CAPN9: variants seen among roughly 807,000 people sequenced by gnomAD.
The protein encoded by CAPN9 is calpain-9.
CAPN9 carries 81 observed loss-of-function variants against 92.8 expected under a neutral mutation model. That is an observed-to-expected ratio of 0.87 (90% confidence interval 0.73 to 1.05). The LOEUF (loss-of-function observed/expected upper bound fraction) is 1.05. Ranked by LOEUF, CAPN9 falls within the 50% of genes least tolerant of loss-of-function variation. CAPN9 has a pLI of 0.00. For synonymous variants in CAPN9, 304 were observed against 328.0 expected (o/e 0.93, Z 0.79); for missense variants, 848 against 866.2 (o/e 0.98, Z 0.26).
chr1:230,792,651 C>T (rs866455576), intron 16 of CAPN9, among the ~76,000 whole-genome samples, 157 bp downstream of exon 16: 7 of 152,180 alleles, frequency 4.6e-5, no homozygotes, highest in Non-Finnish European at 5.9e-5. Context: ...CCGATGCTTA[C>T]GGGAGTACCA....
rs545186428 is a variant in CAPN9, at chr1:230,762,377, A to C, written c.403-276A>C. Among the ~76,000 whole-genome samples, 9 of 152,380 alleles carry C rather than the reference A, an allele frequency of 5.9e-5. No homozygotes were observed. The South Asian group carries it at 1.9e-3, about 32-fold the overall frequency. On this transcript the variant is annotated intron_variant, in intron 3 of 19. Transcript: ENST00000271971. ...GAGCACCGTAGAGTGTCTACTTGTG[A>C]GTCCTGTCCTGCCCCCTGCATCGCC...
At chr1:230,759,939 A>G (rs1665528623) in intron 3 of CAPN9, among the ~76,000 whole-genome samples, 1 of 152,230 alleles carries the variant, frequency 6.6e-6, no homozygotes, top group Admixed American at 6.5e-5. Context: ...TTAAGCACAA[A>G]TTGACTAAAC....
intron 4 of CAPN9, among the ~76,000 whole-genome samples, chr1:230,767,333 C>CGT (rs1666052433): frequency 6.6e-6 from 1 of 152,172 alleles, no homozygotes; most frequent in African/African-American, 2.4e-5. Context: ...ACCACACTGC[C>CGT]TCCCTTGCAG....
chr1:230,752,756 G>T (rs1664928463), intron 1 of CAPN9: 1 of 957,932 alleles, frequency 1.0e-6, no homozygotes, highest in Non-Finnish European at 1.2e-6. Flanking sequence ...TGCTTGCCAG[G>T]GCTATCCCCT....
chr1:230,801,498 C>A, intron 19 of CAPN9, 72 bp from the exon 20 acceptor site: 1 of 1,460,250 alleles, frequency 6.8e-7, no homozygotes, highest in Non-Finnish European at 9.6e-7. Context: ...CAAACTGGGG[C>A]CACTCCTGAG....
At chr1:230,789,624 T>C (rs1364388608) in intron 13 of CAPN9, among the ~76,000 whole-genome samples, 1 of 152,138 alleles carries the variant, frequency 6.6e-6, no homozygotes, top group African/African-American at 2.4e-5. Context: ...TTCTTAATTC[T>C]AAATCAACTC....
chr1:230,796,740 T>A (rs1468310121), intron 18 of CAPN9, among the ~76,000 whole-genome samples: 1 of 152,066 alleles, frequency 6.6e-6, no homozygotes, highest in East Asian at 1.9e-4. Flanking sequence ...CTAGAAATAA[T>A]GAGATTTGCT....
chr1:230,772,019 C>T lies in CAPN9; in HGVS notation c.795C>T (p.Ser265=). 6.2e-7 allele frequency: 1 copy of T among 1,614,114 alleles called. No individual in the cohort carries two copies. The highest frequency in any genetic ancestry group is 1.7e-5 in the Admixed American group (1 of 60,030). The change falls in exon 7 of 20, where the codon AGC becomes AGT. Residue 265 remains serine, a synonymous_variant. Transcript: ENST00000271971. The part of the protein sequence containing the change: ...AYSVTGIDQV[S]FRGQRIELIR... ...CTCATGCTTTTCCCTTCTAGGTAAG[C>T]TTCCGAGGCCAGAGAATCGAGCTCA...
At chr1:230,769,640 T>G (rs1558095317) in intron 6 of CAPN9, among the ~76,000 whole-genome samples, 4 of 123,882 alleles carry the variant, frequency 3.2e-5, no homozygotes, top group Admixed American at 2.5e-4. Context: ...TATCTATCTA[T>G]CTATCTATCT....
intron 18 of CAPN9, among the ~76,000 whole-genome samples, chr1:230,797,575 A>T (rs12139481): frequency 0.2 from 31,040 of 152,058 alleles, 3,396 homozygotes; most frequent in Non-Finnish European, 0.25. Flanking sequence ...AAGCTACCCG[A>T]GAGATTCTCA....
At chr1:230,786,589 G>A (rs1667601666) in intron 12 of CAPN9, among the ~76,000 whole-genome samples, 1 of 152,148 alleles carries the variant, frequency 6.6e-6, no homozygotes, top group African/African-American at 2.4e-5. Context: ...GGGTTTTGCA[G>A]CCTTTTGTGA....
At chr1:230,768,720 A>G (rs998783709) in intron 5 of CAPN9, among the ~76,000 whole-genome samples, 2 of 151,728 alleles carry the variant, frequency 1.3e-5, no homozygotes, top group African/African-American at 4.8e-5. Context: ...TTTTTAATCA[A>G]TTCTAGTTTT....
intron 3 of CAPN9, among the ~76,000 whole-genome samples, chr1:230,760,644 C>T (rs1205826414): frequency 1.3e-5 from 2 of 152,176 alleles, no homozygotes; most frequent in Non-Finnish European, 2.9e-5. Flanking sequence ...GGGACAGAGC[C>T]ACTTTGGGTC....
chr1:230,793,116 A>G (rs1367913840), intron 17 of CAPN9, among the ~76,000 whole-genome samples, 188 bp downstream of exon 17: 7 of 152,184 alleles, frequency 4.6e-5, no homozygotes, highest in Admixed American at 4.6e-4. Context: ...ACTTCCTGAC[A>G]CCAGGGCCCT....
intron 1 of CAPN9, among the ~76,000 whole-genome samples, chr1:230,750,475 T>C (rs1664694753): frequency 6.6e-6 from 1 of 152,174 alleles, no homozygotes; most frequent in Non-Finnish European, 1.5e-5. Context: ...CAGATTTCTG[T>C]AAAATCAGGA....
Position 230,759,538 on chromosome 1 carries a change from G to T in CAPN9, c.310G>T (p.Ala104Ser). 1 of 1,608,882 alleles carries T rather than the reference G, an allele frequency of 6.2e-7. No individual in the cohort carries two copies. The highest frequency in any genetic ancestry group is 8.5e-7 in the Non-Finnish European group (1 of 1,178,080). The stretch of plus-strand genomic sequence containing the variant: ...AGACTGCTGGCTATTAGCCGCCATC[G>T]CCTCCCTTACGCTTAATCAAAAAGC... ...LGDCWLLAAI[A>S]SLTLNQKALA... The change falls in exon 3 of 20, where the codon GCC becomes TCC. Residue 104 changes from alanine (A) to serine (S), a missense_variant. Physicochemically the swap from Ala to Ser is moderately conservative, Grantham distance 99. Coordinates refer to ENST00000271971, the MANE Select transcript of CAPN9 (RefSeq NM_006615.3).
chr1:230,779,271 G>A, intron 9 of CAPN9, 138 bp downstream of exon 9: 1 of 761,688 alleles, frequency 1.3e-6, no homozygotes, highest in South Asian at 2.0e-5. Context: ...AAAAAAGGCT[G>A]CAAAGATTTA....
rs1204199232 is a variant in CAPN9 at position 230,769,657 on chromosome 1, CTATCTATCT to C, written c.789+395_789+403del. On this transcript the variant is annotated intron_variant, in intron 6 of 19. Coordinates refer to ENST00000271971, the MANE Select transcript of CAPN9 (RefSeq NM_006615.3). ...TCTATCTATCTATCTATCTATCTAT[CTATCTATCT>C]ATCTATCTATCTATCTACATCACAC... 3.1e-3 allele frequency among the ~76,000 whole-genome samples: 403 copies of C among 131,266 alleles called. 1 individual carries two copies. Among genetic ancestry groups the C allele is most frequent in the African/African-American group, 8.8e-3 (327 of 37,116 alleles). 86.1% of individuals were successfully genotyped at this position (131,266 alleles called of 152,430 possible). A position where few individuals can be genotyped will look rare whatever the true frequency, so the allele number is the denominator to read the frequency against.
In CAPN9 at chr1:230,789,534, A is replaced by G. The variant is rs911413843; in HGVS notation, c.1600-598A>G. ...CTCAGGGCAAGGTCTGAGACTCTCC[A>G]TTTCTAACCAGCTTCTGGGGTGGGG... On this transcript the variant is annotated intron_variant, in intron 13 of 19. Transcript: ENST00000271971. 2.0e-5 allele frequency among the ~76,000 whole-genome samples: 3 copies of G among 148,350 alleles called. No individual in the cohort carries two copies. The East Asian group carries it at 6.0e-4, about 29-fold the overall frequency.
Sources: gnomAD v4.1 joint callset for allele counts (sites outside exome capture counted in the v4.1 genomes callset) on GRCh38, gnomAD v4.1.1 for gene constraint, MANE v1.5 for transcripts, NCBI Gene and HGNC (gene_info 2026-07-23, HGNC 2026-07-21) for gene names.